The following SEPTIN7 variants were observed in gnomAD, a reference collection of about 807,000 sequenced individuals.
SEPTIN7 encodes septin 7.
In SEPTIN7, 10 loss-of-function variants were observed where a neutral mutation model predicts 63.3. The observed-to-expected ratio is 0.16, with a 90% confidence interval of 0.10 to 0.27. The LOEUF (loss-of-function observed/expected upper bound fraction) is 0.27. Among genes scored for constraint, SEPTIN7 ranks in the 10% least tolerant of loss-of-function variants. The probability of loss-of-function intolerance (pLI) is 1.00; values close to 1 mark genes in which losing one functional copy is unlikely to be tolerated. For synonymous variants in SEPTIN7, 131 were observed against 165.3 expected (o/e 0.79, Z 1.59); for missense variants, 310 against 521.0 (o/e 0.59, Z 3.94).
chr7:35,838,257 C>G (rs1784184381), intron 3 of SEPTIN7, among the ~76,000 whole-genome samples: 1 of 8,508 alleles, frequency 1.2e-4, no homozygotes, highest in South Asian at 3.6e-3. Context: ...TCCTTCCTTC[C>G]TTCCTTCCTT....
chr7:35,914,426 A>G, the SEPTIN7 span, among the ~76,000 whole-genome samples: 1 of 152,182 alleles, frequency 6.6e-6, no homozygotes, highest in South Asian at 2.1e-4. Flanking sequence ...AATCAGTTGA[A>G]GGCCTTAAAA....
chr7:35,837,035 A>ACTT, intron 3 of SEPTIN7, among the ~76,000 whole-genome samples: 1 of 152,182 alleles, frequency 6.6e-6, no homozygotes, highest in East Asian at 1.9e-4. Context: ...AGTAATTCAA[A>ACTT]AAGAAAGTTT....
chr7:35,807,860 TGCTC>T (rs1411938257), intron 1 of SEPTIN7, among the ~76,000 whole-genome samples: 2 of 151,734 alleles, frequency 1.3e-5, no homozygotes, highest in Non-Finnish European at 2.9e-5. Flanking sequence ...GACGGAGTCT[TGCTC>T]TGTCACCCAG....
At chr7:35,841,638 T>A (rs181640734) in intron 3 of SEPTIN7, among the ~76,000 whole-genome samples, 1 of 152,300 alleles carries the variant, frequency 6.6e-6, no homozygotes, top group African/African-American at 2.4e-5. Context: ...GGTATCACAT[T>A]TGTTAATTTT....
At chr7:35,813,060 A>G (rs528944664) in intron 1 of SEPTIN7, among the ~76,000 whole-genome samples, 4 of 152,196 alleles carry the variant, frequency 2.6e-5, no homozygotes, top group Non-Finnish European at 5.9e-5. Context: ...AACCACTGTA[A>G]CAACTGTCAT....
chr7:35,912,707 C>T, the SEPTIN7 span, among the ~76,000 whole-genome samples: 12 of 152,350 alleles, frequency 7.9e-5, no homozygotes, highest in East Asian at 9.6e-4. Flanking sequence ...GACACAGGTA[C>T]TAGCAATTGC....
chr7:35,851,501 A>G (rs118189814), intron 3 of SEPTIN7, among the ~76,000 whole-genome samples: 1,564 of 152,294 alleles, frequency 0.01, 33 homozygotes, highest in East Asian at 0.08. Flanking sequence ...ATGAAATGTT[A>G]CAGATATTCT....
At chr7:35,884,906 A>C (rs1024625460) in intron 9 of SEPTIN7, among the ~76,000 whole-genome samples, 4 of 152,188 alleles carry the variant, frequency 2.6e-5, no homozygotes, top group Non-Finnish European at 5.9e-5. Flanking sequence ...CCTCTTGGCA[A>C]TAGGTTTATT....
chr7:35,829,128 CTT>C (rs71553032), intron 1 of SEPTIN7, among the ~76,000 whole-genome samples: 1,242 of 61,014 alleles, frequency 0.02, 10 homozygotes, highest in African/African-American at 0.082. Flanking sequence ...CATGGACCTT[CTT>C]TTTTTTTTTT....
chr7:35,817,022 T>A (rs1436593747), intron 1 of SEPTIN7, among the ~76,000 whole-genome samples: 5 of 151,712 alleles, frequency 3.3e-5, no homozygotes, highest in Admixed American at 3.3e-4. Flanking sequence ...TTTTTTTTTT[T>A]ACGTTCTTGA....
intron 3 of SEPTIN7, 75 bp from the exon 4 acceptor site, chr7:35,863,477 T>C (rs1785625902): frequency 6.1e-6 from 5 of 820,802 alleles, no homozygotes; most frequent in Non-Finnish European, 9.6e-6. Flanking sequence ...GCAAGTTTGA[T>C]TATAGCATCT....
At chr7:35,804,507 C>T (rs1328473628) in intron 1 of SEPTIN7, among the ~76,000 whole-genome samples, 1 of 152,180 alleles carries the variant, frequency 6.6e-6, no homozygotes, top group East Asian at 1.9e-4. Context: ...GTAGGGATTA[C>T]ACATTGGGGT....
intron 11 of SEPTIN7, among the ~76,000 whole-genome samples, chr7:35,895,698 T>C (rs1280484309): frequency 6.6e-6 from 1 of 152,236 alleles, no homozygotes; most frequent in African/African-American, 2.4e-5. Flanking sequence ...TTGCAGCTTT[T>C]AGCATGCTTT....
chr7:35,901,866 C>A (rs1389038785), intron 12 of SEPTIN7: 1 of 151,972 alleles, frequency 6.6e-6, no homozygotes, highest in African/African-American at 2.4e-5. Flanking sequence ...TTCTTAGTAA[C>A]TTGTTTGCTG....
At chr7:35,882,128 G>A (rs894939741) in intron 7 of SEPTIN7, among the ~76,000 whole-genome samples, 1 of 151,880 alleles carries the variant, frequency 6.6e-6, no homozygotes, top group Non-Finnish European at 1.5e-5. Context: ...ATATCTAAAG[G>A]AAGAATCTCA....
At position 35,853,676 on chromosome 7, in the gene SEPTIN7, A is replaced by G. The variant is rs1475479701; in HGVS notation, c.170-9876A>G. 2.0e-5 allele frequency among the ~76,000 whole-genome samples: 3 copies of G among 152,248 alleles called. No individual in the cohort carries two copies. In the South Asian group the frequency reaches 6.2e-4, roughly 32 times the overall value. ...ATTATTGAAGTCATTGAATGCATGT[A>G]AAGTGCCTAGCTCAATGTCTTTCTT... On this transcript the variant is annotated intron_variant, in intron 3 of 13. Coordinates refer to ENST00000350320, the MANE Select transcript of SEPTIN7 (RefSeq NM_001788.6).
At chr7:35,912,365 C>T in the SEPTIN7 span, among the ~76,000 whole-genome samples, 1 of 152,256 alleles carries the variant, frequency 6.6e-6, no homozygotes, top group Non-Finnish European at 1.5e-5. Flanking sequence ...CTGCAGATAA[C>T]TAGCCAGACC....
intron 6 of SEPTIN7, chr7:35,879,600 A>G (rs1786706726): frequency 2.8e-6 from 1 of 362,918 alleles, no homozygotes; most frequent in East Asian, 4.6e-5. Context: ...CTTTAGGGCC[A>G]AAACCCTGTG....
intron 1 of SEPTIN7, chr7:35,815,048 C>T (rs775742367): frequency 8.8e-6 from 2 of 227,948 alleles, no homozygotes; most frequent in Non-Finnish European, 1.7e-5. Context: ...TTCATCAGTT[C>T]GGTTATATAT....
Sources: allele counts gnomAD v4.1 joint callset (sites outside exome capture counted in the v4.1 genomes callset), GRCh38; gene constraint gnomAD v4.1.1; transcripts MANE v1.5; gene names NCBI Gene and HGNC (gene_info 2026-07-23, HGNC 2026-07-21).